ARHGAP5: variants seen among roughly 807,000 people sequenced by gnomAD.
The protein encoded by ARHGAP5 is rho GTPase-activating protein 5.
ARHGAP5 carries 23 observed loss-of-function variants against 116.6 expected under a neutral mutation model. The observed-to-expected ratio is 0.20, with a 90% CI of 0.14 to 0.28. The LOEUF (loss-of-function observed/expected upper bound fraction) is 0.28, where lower values mean the gene tolerates loss of function less well. ARHGAP5 is among the 10% of genes least tolerant of loss of function. The pLI is 1.00. For synonymous variants in ARHGAP5, 574 were observed against 602.0 expected, an observed-to-expected ratio of 0.95 and a Z score of 0.68; for missense variants, 1,405 against 1,774.8, an observed-to-expected ratio of 0.79 and a Z score of 3.74.
In ARHGAP5 at chr14:32,155,086, G is replaced by A. The variant is rs1881834951; in HGVS notation, c.*138G>A. On this transcript the variant is annotated 3_prime_UTR_variant, in exon 7 of 7. Transcript: ENST00000345122. ...TTACATTTTCTCTTTGAACTAGATGGTATTCCTTATTCACTTACATTACAA... is the reference window on the plus strand; with the variant it reads ...TTACATTTTCTCTTTGAACTAGATGATATTCCTTATTCACTTACATTACAA... 1 of 740,882 alleles carries A rather than the reference G, an allele frequency of 1.3e-6. No individual in the cohort carries two copies. The allele number at this position is 740,882 out of a possible 1,614,324, so 45.9% of individuals were successfully genotyped here.
At chr14:32,136,662 T>G (rs1399618045) in intron 3 of ARHGAP5, among the ~76,000 whole-genome samples, 2 of 152,212 alleles carry the variant, frequency 1.3e-5, no homozygotes, top group African/African-American at 2.4e-5. Flanking sequence ...ATTCTATGTT[T>G]AACTTAGTAG....
rs1179033122 is a variant in ARHGAP5 at position 32,085,343 on chromosome 14, A to T, written c.-168-5159A>T. ...TGCATGCCTAGAGTCCCAGCTAGAC[A>T]GGAGGCTGAGATGAGAGGATCACCT... On this transcript the variant is annotated intron_variant, in intron 1 of 6. Coordinates refer to ENST00000345122, the MANE Select transcript of ARHGAP5 (RefSeq NM_001030055.2). 3.3e-5 allele frequency among the ~76,000 whole-genome samples: 5 copies of T among 152,092 alleles called. No individual in the cohort carries two copies. The East Asian group carries it at 9.7e-4, about 29-fold the overall frequency.
chr14:32,125,180 T>TC (rs931756228), intron 3 of ARHGAP5, among the ~76,000 whole-genome samples: 3 of 152,180 alleles, frequency 2.0e-5, no homozygotes, highest in African/African-American at 7.2e-5. Flanking sequence ...TCCCCACTAC[T>TC]CCAGTCCCTG....
At chr14:32,148,210 CTATG>C (rs746269766) in intron 4 of ARHGAP5, among the ~76,000 whole-genome samples, 1,979 of 147,166 alleles carry the variant, frequency 0.013, 20 homozygotes, top group African/African-American at 0.034. Flanking sequence ...ATCTATCTAT[CTATG>C]TATATCTATC....
chr14:32,139,816 C>G (rs1391846508), intron 3 of ARHGAP5, among the ~76,000 whole-genome samples: 1 of 150,640 alleles, frequency 6.6e-6, no homozygotes, highest in Non-Finnish European at 1.5e-5. Flanking sequence ...TTTACAGATG[C>G]AGGTTTCCGT....
At chr14:32,132,390 G>T (rs538320745) in intron 3 of ARHGAP5, among the ~76,000 whole-genome samples, 9 of 152,170 alleles carry the variant, frequency 5.9e-5, no homozygotes, top group African/African-American at 2.2e-4. Context: ...CTTCTTTTGA[G>T]CAGTGTCTGT....
chr14:32,098,610 A>G (rs1878644005), intron 2 of ARHGAP5, among the ~76,000 whole-genome samples: 1 of 152,188 alleles, frequency 6.6e-6, no homozygotes, highest in Non-Finnish European at 1.5e-5. Flanking sequence ...CTGATAGTAA[A>G]TGTTTTAGGC....
chr14:32,093,887 A>G lies in ARHGAP5; in HGVS notation c.3218A>G (p.Gln1073Arg), dbSNP rs1263388495. 6.2e-7 allele frequency: 1 copy of G among 1,614,160 alleles called. No homozygotes were observed. Among genetic ancestry groups the G allele is most frequent in the Non-Finnish European group, 8.5e-7 (1 of 1,180,004 alleles). Residue 1073 changes from glutamine (Q) to arginine (R), a missense_variant, in exon 2 of 7, where the codon CAG becomes CGG. Physicochemically the swap from Gln to Arg is conservative, Grantham distance 43. This residue lies in a region of ARHGAP5 where 944 missense variants were observed against 1,095.3 expected (regional missense o/e 0.86). Transcript: ENST00000345122. Reference protein sequence around the residue: ...EAGIGKNPRKQTSRVPLAHPE... With the variant: ...EAGIGKNPRKRTSRVPLAHPE... ...GGTATTGGTAAAAATCCAAGAAAGC[A>G]GACTTCCCGGGTGCCTTTGGCACAT...
chr14:32,135,566 G>T (rs1181300286), intron 3 of ARHGAP5, among the ~76,000 whole-genome samples: 1 of 152,178 alleles, frequency 6.6e-6, no homozygotes, highest in African/African-American at 2.4e-5. Context: ...GGGTTTACGG[G>T]CACATGCCAC....
At position 32,133,275 on chromosome 14, in the gene ARHGAP5, G is replaced by C. The variant is rs1278059809; in HGVS notation, c.3866-12988G>C. Among the ~76,000 whole-genome samples the C allele has an allele frequency of 2.6e-5, 4 of 152,124 alleles. 1 individual carries two copies. The East Asian group carries it at 7.7e-4, about 29-fold the overall frequency. ...CTTTTATTTCCTTGAGCAGTGGTTT[G>C]TAGTTCTCCTTGAAGAGGTCCTTCA... On this transcript the variant is annotated intron_variant, in intron 3 of 6. Transcript: ENST00000345122.
intron 3 of ARHGAP5, among the ~76,000 whole-genome samples, chr14:32,120,048 T>G (rs567351311): frequency 7.2e-4 from 109 of 152,234 alleles, no homozygotes; most frequent in African/African-American, 2.5e-3. Context: ...TTCTTTAATT[T>G]TAGTAGAATT....
chr14:32,105,197 G>A (rs538626425), intron 2 of ARHGAP5, among the ~76,000 whole-genome samples: 17 of 152,148 alleles, frequency 1.1e-4, no homozygotes, highest in African/African-American at 4.1e-4. Context: ...AGAAAGGTAG[G>A]GTTTTCCATA....
chr14:32,085,738 A>G (rs2139003842), intron 1 of ARHGAP5, among the ~76,000 whole-genome samples: 1 of 152,320 alleles, frequency 6.6e-6, no homozygotes, highest in South Asian at 2.1e-4. Context: ...TAGGTCTTGG[A>G]AATATAATTT....
In ARHGAP5 at chr14:32,156,116, A is replaced by AT. The variant is rs1280959277; in HGVS notation, c.*1174dup. The AT allele has an allele frequency of 4.6e-5, 7 of 152,476 alleles. No individual in the cohort carries two copies. The highest frequency in any genetic ancestry group is 1.2e-4 in the African/African-American group (5 of 41,524). 9.4% of individuals were successfully genotyped at this position (152,476 alleles called of 1,614,324 possible). On this transcript the variant is annotated 3_prime_UTR_variant, in exon 7 of 7. Transcript: ENST00000345122. Reference sequence around the variant, plus strand: ...TGGCTTTTGCACCATTTTTAAGCCAATTTTTTCCTTTGATGTTGGTACCAG... The same window carrying AT: ...TGGCTTTTGCACCATTTTTAAGCCAATTTTTTTCCTTTGATGTTGGTACCAG...
chr14:32,158,973 T>G lies in ARHGAP5; in HGVS notation c.*4025T>G, dbSNP rs938383548. 6.6e-6 allele frequency: 1 copy of G among 152,124 alleles called. No homozygotes were observed. Among genetic ancestry groups the G allele is most frequent in the African/African-American group, 2.4e-5 (1 of 41,458 alleles). 9.4% of individuals were successfully genotyped at this position (152,124 alleles called of 1,614,324 possible). On this transcript the variant is annotated 3_prime_UTR_variant, in exon 7 of 7. Transcript: ENST00000345122. ...TTGTCCTATTTGCATGACTCCATTT[T>G]TTCCTCCACTATATGAGTTTTCTTT...
At position 32,093,400 on chromosome 14, in the gene ARHGAP5, A is replaced by G. The variant is rs1356932676; in HGVS notation, c.2731A>G (p.Ile911Val). The G allele has an allele frequency of 6.2e-7, 1 of 1,613,868 alleles. No homozygotes were observed. The highest frequency in any genetic ancestry group is 8.5e-7 in the Non-Finnish European group (1 of 1,179,924). Residue 911 changes from isoleucine to valine, a missense_variant, in exon 2 of 7, where the codon ATC (isoleucine) becomes GTC (valine). Physicochemically the swap from Ile to Val is conservative, Grantham distance 29 (BLOSUM62 3). Around this residue, in one of 6 missense-constraint regions of ARHGAP5, gnomAD observed 944 missense variants for 1,095.3 expected, o/e 0.86. Coordinates refer to ENST00000345122, the MANE Select transcript of ARHGAP5 (RefSeq NM_001030055.2). The stretch of plus-strand genomic sequence containing the variant: ...TGAAGGAGAACACATTGCAACTGAG[A>G]TCACTGCTAAATTTACAGCACTGTA... ...MTEGEHIATE[I>V]TAKFTALYSL...
intron 4 of ARHGAP5, among the ~76,000 whole-genome samples, chr14:32,148,178 C>CTATT (rs1370755057): frequency 6.0e-5 from 9 of 148,792 alleles, no homozygotes; most frequent in Non-Finnish European, 1.3e-4. Context: ...ATCTATCTAT[C>CTATT]TATCTATCTA....
Position 32,158,678 on chromosome 14 carries a change from T to A in ARHGAP5, c.*3730T>A, listed in dbSNP as rs1006576441. On this transcript the variant is annotated 3_prime_UTR_variant, in exon 7 of 7. Transcript: ENST00000345122. Reference sequence around the variant, plus strand: ...ACATATGGGACATGGTTGATTTTTTTACTGTATTAGAACTCTTGGAAGTTC... The same window carrying A: ...ACATATGGGACATGGTTGATTTTTTAACTGTATTAGAACTCTTGGAAGTTC... 3.9e-5 allele frequency: 6 copies of A among 152,020 alleles called. No homozygotes were observed. Among genetic ancestry groups the A allele is most frequent in the African/African-American group, 1.4e-4 (6 of 41,462 alleles). The allele number at this position is 152,020 out of a possible 1,614,324, so 9.4% of individuals were successfully genotyped here.
chr14:32,125,760 C>A (rs1418538185), intron 3 of ARHGAP5, among the ~76,000 whole-genome samples: 3 of 152,152 alleles, frequency 2.0e-5, no homozygotes, highest in Non-Finnish European at 4.4e-5. Flanking sequence ...GTCTTCGAAT[C>A]CATGAATGTT....
Sources: gnomAD v4.1 joint callset for allele counts (sites outside exome capture counted in the v4.1 genomes callset) on GRCh38, gnomAD v4.1.1 for gene constraint, gnomAD v4.1.1 regional missense constraint, MANE v1.5 for transcripts, NCBI Gene and HGNC (gene_info 2026-07-23, HGNC 2026-07-21) for gene names.